Variants in SHPRH observed in about 807,000 individuals in gnomAD.
The protein encoded by SHPRH is SNF2 histone linker PHD RING helicase, also known as E3 ubiquitin-protein ligase SHPRH.
SHPRH carries 106 observed loss-of-function variants against 202.5 expected under a neutral mutation model. The ratio of observed to expected loss-of-function variants is 0.52; its 90% CI spans 0.45 to 0.62. The LOEUF (loss-of-function observed/expected upper bound fraction) is 0.62, where lower values mean the gene tolerates loss of function less well. Ranked by LOEUF, SHPRH falls within the 20% of genes least tolerant of loss-of-function variation. SHPRH has a pLI of 0.00. For missense variants in SHPRH, 1,710 were observed against 2,020.0 expected (o/e 0.85, Z 2.94); for synonymous variants, 729 against 686.0 (o/e 1.06, Z -0.98).
intron 11 of SHPRH, 30 bp downstream of exon 11, chr6:145,940,689 AATGC>A: frequency 6.2e-7 from 1 of 1,603,284 alleles, no homozygotes; most frequent in Non-Finnish European, 8.5e-7. Flanking sequence ...AAGCTTTTCA[AATGC>A]ATGCAATATG....
At chr6:145,874,052 G>A (rs1039384409) in intron 2 of SHPRH, among the ~76,000 whole-genome samples, 1 of 151,942 alleles carries the variant, frequency 6.6e-6, no homozygotes, top group Admixed American at 6.6e-5. Context: ...TACAAAATTA[G>A]CGGCGCATGG....
intron 1 of SHPRH, among the ~76,000 whole-genome samples, chr6:145,962,377 G>A (rs756491354): frequency 1.1e-4 from 17 of 152,172 alleles, no homozygotes; most frequent in Non-Finnish European, 1.8e-4. Context: ...CCCTCCTTTT[G>A]AGGACCTAAC....
chr6:145,891,192 AC>A (rs1222541340), intron 28 of SHPRH, among the ~76,000 whole-genome samples: 1 of 151,944 alleles, frequency 6.6e-6, no homozygotes, highest in African/African-American at 2.4e-5. Context: ...CCCTCTCCCC[AC>A]TGAGCCCATT....
chr6:145,928,514 A>C (rs1041641022), intron 14 of SHPRH, among the ~76,000 whole-genome samples: 2 of 151,884 alleles, frequency 1.3e-5, no homozygotes, highest in Admixed American at 1.3e-4. Context: ...AATTAGGACC[A>C]TGTTCATAGT....
chr6:145,900,483 G>T lies in SHPRH; in HGVS notation c.4516-5506C>A, dbSNP rs181998367. Among the ~76,000 whole-genome samples the T allele has an allele frequency of 5.0e-3, 767 of 152,190 alleles. 4 individuals are homozygous for T. The highest frequency in any genetic ancestry group is 0.018 in the African/African-American group (746 of 41,538). On this transcript the variant is annotated intron_variant, in intron 25 of 29. Transcript: ENST00000275233. ...CACAGAAGCAGAGAGCAGAATGGCG[G>T]TTACCAGAGGCTGGAGTTTGTGGGG...
At chr6:145,883,060 A>G (rs1373328757), downstream of SHPRH, 1 of 152,158 alleles carries the variant, frequency 6.6e-6, no homozygotes, top group Non-Finnish European at 1.5e-5. Flanking sequence ...CAAAGATAAC[A>G]ATAGGGTTTG....
chr6:145,947,094 A>G (rs6924714), intron 6 of SHPRH, among the ~76,000 whole-genome samples: 4,971 of 152,142 alleles, frequency 0.033, 274 homozygotes, highest in African/African-American at 0.11. Flanking sequence ...ACAAAGTTCT[A>G]ATTATTTGGT....
chr6:145,883,107 TAAGCAGGGA>T (rs1780705948), downstream of SHPRH: 1 of 152,222 alleles, frequency 6.6e-6, no homozygotes, highest in Admixed American at 6.5e-5. Context: ...GATTTTTTGA[TAAGCAGGGA>T]AAAAGTTATT....
At chr6:145,921,918 G>A (rs1447191399) in intron 20 of SHPRH, among the ~76,000 whole-genome samples, 6 of 151,974 alleles carry the variant, frequency 3.9e-5, no homozygotes, top group Admixed American at 2.6e-4. Flanking sequence ...ATATTTGATT[G>A]TGTCATTCTT....
rs777261471 is a variant in SHPRH, at chr6:145,943,717, G to A, written c.1664C>T (p.Thr555Ile). 3 of 1,611,726 alleles carry A rather than the reference G, an allele frequency of 1.9e-6. No individual in the cohort carries two copies. The highest frequency in any genetic ancestry group is 2.5e-6 in the Non-Finnish European group (3 of 1,178,382). The change falls in exon 9 of 30, where the codon ACC (threonine) becomes ATC (isoleucine). Residue 555 changes from threonine to isoleucine, a missense_variant. Physicochemically the swap from Thr to Ile is moderately conservative, Grantham distance 89 (BLOSUM62 -1). This residue lies in a region of SHPRH where 348 missense variants were observed against 356.9 expected (regional missense o/e 0.97). Coordinates refer to ENST00000275233, the MANE Select transcript of SHPRH (RefSeq NM_001042683.3). ...GTAAGGATCATCATCATCATCAGAGGTGTCTGATGGCAAGTATTCAGAATC... is the reference window on the plus strand; with the variant it reads ...GTAAGGATCATCATCATCATCAGAGATGTCTGATGGCAAGTATTCAGAATC... ...DTDSEYLPSD[T>I]SDDDDDPYYY...
rs546253975 is a variant in SHPRH at position 145,961,566 on chromosome 6, C to T, written c.-33+2165G>A. ...CATATTACCAAACCAGAAAACATTA[C>T]TTCAACTATTTATTCTGTTCTCTGG... On this transcript the variant is annotated intron_variant, in intron 1 of 29. Transcript: ENST00000275233. Among the ~76,000 whole-genome samples the T allele has an allele frequency of 3.9e-5, 6 of 152,302 alleles. 1 individual carries two copies. The South Asian group carries it at 1.2e-3, about 32-fold the overall frequency.
At chr6:145,903,515 T>C (rs529570765) in intron 25 of SHPRH, 3 of 151,950 alleles carry the variant, frequency 2.0e-5, no homozygotes, top group Non-Finnish European at 1.5e-5. Flanking sequence ...CTGGACCACA[T>C]CCCAGGTCTA....
downstream of SHPRH, chr6:145,864,192 TTCC>T (rs1459409954): frequency 5.1e-6 from 1 of 197,732 alleles, no homozygotes; most frequent in Non-Finnish European, 1.2e-5. Flanking sequence ...ATATTCTCAC[TTCC>T]TCATTTCTTT....
intron 1 of SHPRH, among the ~76,000 whole-genome samples, chr6:145,961,826 T>A (rs1005263811): frequency 6.6e-6 from 1 of 152,228 alleles, no homozygotes; most frequent in African/African-American, 2.4e-5. Flanking sequence ...AAAAAGCTCC[T>A]GGTTTTGACT....
At position 145,921,164 on chromosome 6, in the gene SHPRH, T is replaced by C; in HGVS notation, c.4008+3A>G. ...TTTGGAAGGAAGTTTTAAAATACTA[T>C]ACCTTATATTCCTTCTTCCATGCTT... On this transcript the variant is annotated splice_donor_region_variant and intron_variant, in intron 21 of 29. Coordinates refer to ENST00000275233, the MANE Select transcript of SHPRH (RefSeq NM_001042683.3). 6.2e-7 allele frequency: 1 copy of C among 1,610,444 alleles called. No homozygotes were observed. Among genetic ancestry groups the C allele is most frequent in the Non-Finnish European group, 8.5e-7 (1 of 1,177,796 alleles).
At chr6:145,902,640 G>GA (rs5880657) in intron 25 of SHPRH, among the ~76,000 whole-genome samples, 56,224 of 151,744 alleles carry the variant, frequency 0.37, 10,950 homozygotes, top group South Asian at 0.49. Context: ...TATTATTGGG[G>GA]AAAAAAGAGG....
At position 145,894,237 on chromosome 6, in the gene SHPRH, C is replaced by T. The variant is rs1781809698; in HGVS notation, c.4609-1G>A. The stretch of plus-strand genomic sequence containing the variant: ...AAATAATATCTAATACATCTTGCCA[C>T]TAGAACACATAAAACAATAAGAAAA... On this transcript the variant is annotated splice_acceptor_variant, in intron 26 of 29. Coordinates refer to ENST00000275233, the MANE Select transcript of SHPRH (RefSeq NM_001042683.3). LOFTEE classifies it high-confidence loss of function. 6.3e-7 allele frequency: 1 copy of T among 1,588,524 alleles called. No homozygotes were observed. The highest frequency in any genetic ancestry group is 1.8e-5 in the Admixed American group (1 of 55,260).
chr6:145,951,988 CAGACTGCAAAGGAGAGGTGGA>C, intron 3 of SHPRH: 1 of 437,018 alleles, frequency 2.3e-6, no homozygotes, highest in South Asian at 1.6e-5. Flanking sequence ...AATTATTTGT[CAGACTGCAAAGGAGAGGTGGA>C]ATAAACGCCA....
At chr6:145,905,348 G>A (rs1782866414) in intron 25 of SHPRH, 1 of 152,110 alleles carries the variant, frequency 6.6e-6, no homozygotes, top group Non-Finnish European at 1.5e-5. Flanking sequence ...AGTGCAGGCA[G>A]GATAAAGAAT....
Sources: gnomAD v4.1 joint callset for allele counts (sites outside exome capture counted in the v4.1 genomes callset) on GRCh38, gnomAD v4.1.1 for gene constraint, gnomAD v4.1.1 regional missense constraint, MANE v1.5 for transcripts, NCBI Gene and HGNC (gene_info 2026-07-23, HGNC 2026-07-21) for gene names.